EGFR: variants seen among roughly 807,000 people sequenced by gnomAD.
EGFR encodes avian erythroblastic leukemia viral (v-erb-b) oncogene homolog.
A neutral mutation model predicts 143.0 loss-of-function variants in EGFR; 58 were observed. The observed-to-expected ratio is 0.41, with a 90% CI of 0.33 to 0.50. The LOEUF is 0.50. EGFR is among the 20% of genes least tolerant of loss of function. The pLI is 0.39. For synonymous variants in EGFR, 613 were observed against 594.4 expected, an observed-to-expected ratio of 1.03 and a Z score of -0.45; for missense variants, 1,307 against 1,579.0, an observed-to-expected ratio of 0.83 and a Z score of 2.92.
intron 3 of EGFR, among the ~76,000 whole-genome samples, chr7:55,143,962 T>C (rs1794616160): frequency 6.6e-6 from 1 of 152,130 alleles, no homozygotes; most frequent in South Asian, 2.1e-4. Context: ...TGAGGTGTTC[T>C]AGAACTTTGA....
intron 1 of EGFR, chr7:55,043,993 A>G (rs1388860853): frequency 2.6e-5 from 4 of 152,242 alleles, no homozygotes; most frequent in Admixed American, 6.5e-5. Flanking sequence ...AGCCACGTGA[A>G]GACGCCTTAG....
intron 20 of EGFR, among the ~76,000 whole-genome samples, chr7:55,183,743 G>C (rs1404033408): frequency 6.6e-6 from 1 of 152,210 alleles, no homozygotes. Context: ...AGAATATCTG[G>C]TTGGTTTATG....
rs376822837 is a variant in EGFR at position 55,198,761 on chromosome 7, G to A, written c.2746G>A (p.Asp916Asn). Residue 916 changes from aspartate (D) to asparagine (N), a missense_variant, in exon 23 of 28, where the codon GAC becomes AAC. Physicochemically the swap from Asp to Asn is conservative, Grantham distance 23. Coordinates refer to ENST00000275493, the MANE Select transcript of EGFR (RefSeq NM_005228.5). Reference protein sequence around the residue: ...ELMTFGSKPYDGIPASEISSI... With the variant: ...ELMTFGSKPYNGIPASEISSI... ...GATGACCTTTGGATCCAAGCCATAT[G>A]ACGGAATCCCTGCCAGCGAGATCTC... 3.3e-5 allele frequency: 54 copies of A among 1,614,070 alleles called. No homozygotes were observed. The highest frequency in any genetic ancestry group is 6.7e-5 in the African/African-American group (5 of 74,912).
Position 55,206,888 on chromosome 7 carries a change from G to C in EGFR, c.*1271G>C, listed in dbSNP as rs1788120720. The C allele has an allele frequency of 1.3e-5, 3 of 233,126 alleles. No individual in the cohort carries two copies. The highest frequency in any genetic ancestry group is 2.5e-5 in the Non-Finnish European group (3 of 118,058). 14.4% of individuals were successfully genotyped at this position (233,126 alleles called of 1,614,324 possible). On this transcript the variant is annotated 3_prime_UTR_variant, in exon 28 of 28. Coordinates refer to ENST00000275493, the MANE Select transcript of EGFR (RefSeq NM_005228.5). ...CAGGTGCGAATGACAGTAGCATTAT[G>C]AGTAGTGTGGAATTCAGGTAGTAAA... is the stretch of plus-strand genomic sequence containing the variant.
intron 1 of EGFR, among the ~76,000 whole-genome samples, chr7:55,119,784 G>A (rs1345377247): frequency 6.6e-6 from 1 of 152,128 alleles, no homozygotes; most frequent in Non-Finnish European, 1.5e-5. Flanking sequence ...TGTCTTGAAA[G>A]GTCCTTCTAT....
intron 1 of EGFR, among the ~76,000 whole-genome samples, chr7:55,057,461 G>A (rs1788897938): frequency 6.6e-6 from 1 of 152,154 alleles, no homozygotes; most frequent in South Asian, 2.1e-4. Flanking sequence ...TCTTGATAAT[G>A]TTAAATAAAA....
At chr7:55,176,867 T>TATATCTCTAA (rs1786616074) in intron 19 of EGFR, among the ~76,000 whole-genome samples, 2 of 146,586 alleles carry the variant, frequency 1.4e-5, no homozygotes, top group Non-Finnish European at 3.0e-5. Context: ...TTTAGAGATT[T>TATATCTCTAA]ATATATATTT....
chr7:55,061,476 CT>C (rs1789162858), intron 1 of EGFR, among the ~76,000 whole-genome samples: 1 of 152,192 alleles, frequency 6.6e-6, no homozygotes. Flanking sequence ...AGAGAATATG[CT>C]TTCATTCAGC....
intron 27 of EGFR, among the ~76,000 whole-genome samples, chr7:55,204,238 A>T (rs1788000649): frequency 1.3e-5 from 2 of 150,350 alleles, no homozygotes; most frequent in African/African-American, 4.9e-5. Context: ...ACGTACACAC[A>T]CACCACACAC....
chr7:55,108,377 T>C (rs944579436), intron 1 of EGFR, among the ~76,000 whole-genome samples: 7 of 152,252 alleles, frequency 4.6e-5, no homozygotes, highest in Admixed American at 1.3e-4. Context: ...CGAGAGTGAC[T>C]GTCTCTTCCT....
chr7:55,103,706 A>T (rs1389044408), intron 1 of EGFR, among the ~76,000 whole-genome samples: 1 of 152,218 alleles, frequency 6.6e-6, no homozygotes, highest in Admixed American at 6.5e-5. Context: ...ATTCTTTCAA[A>T]CATAAGAGTC....
chr7:55,118,295 T>C (rs1247866891), intron 1 of EGFR, among the ~76,000 whole-genome samples: 1 of 152,180 alleles, frequency 6.6e-6, no homozygotes, highest in Non-Finnish European at 1.5e-5. Context: ...ATGCAGATGG[T>C]CAGGCCCTCC....
At chr7:55,034,046 A>G (rs1323785244) in intron 1 of EGFR, among the ~76,000 whole-genome samples, 1 of 152,006 alleles carries the variant, frequency 6.6e-6, no homozygotes, top group East Asian at 1.9e-4. Context: ...AATGATGGCC[A>G]TGCACACTTT....
intron 1 of EGFR, among the ~76,000 whole-genome samples, chr7:55,140,391 C>T (rs1201070895): frequency 1.3e-5 from 2 of 152,156 alleles, no homozygotes; most frequent in Admixed American, 1.3e-4. Flanking sequence ...CTAACACTTG[C>T]GGCTACCTGG....
In EGFR at chr7:55,142,525, T is replaced by A; in HGVS notation, c.240+88T>A. 4 of 1,535,646 alleles carry A rather than the reference T, an allele frequency of 2.6e-6. No individual in the cohort carries two copies. The South Asian group carries it at 4.5e-5, about 17-fold the overall frequency. ...GGGCAGAATTCCACTTGAAGTGTGT[T>A]TATTTTTGCTATGGCAATGACAAGT... On this transcript the variant is annotated intron_variant, in intron 2 of 27. Coordinates refer to ENST00000275493, the MANE Select transcript of EGFR (RefSeq NM_005228.5).
Position 55,209,465 on chromosome 7 carries a change from G to A in EGFR, c.*3848G>A, listed in dbSNP as rs1788188124. On this transcript the variant is annotated 3_prime_UTR_variant, in exon 28 of 28. Coordinates refer to ENST00000275493, the MANE Select transcript of EGFR (RefSeq NM_005228.5). Reference sequence around the variant, plus strand: ...GGGACCCTCTGCATTCTCTAAGTAAGTTATAGAAACCAGTCTCTTCCCTCC... The same window carrying A: ...GGGACCCTCTGCATTCTCTAAGTAAATTATAGAAACCAGTCTCTTCCCTCC... 2 of 152,228 alleles carry A rather than the reference G, an allele frequency of 1.3e-5. No homozygotes were observed. The highest frequency in any genetic ancestry group is 6.5e-5 in the Admixed American group (1 of 15,280). The allele number at this position is 152,228 out of a possible 1,614,324, so 9.4% of individuals were successfully genotyped here. A position where few individuals can be genotyped will look rare whatever the true frequency, so the allele number is the denominator to read the frequency against.
chr7:55,176,640 G>C (rs535057808), intron 19 of EGFR, among the ~76,000 whole-genome samples: 114 of 152,022 alleles, frequency 7.5e-4, no homozygotes, highest in Middle Eastern at 6.8e-3. Context: ...TTGAGTCCAG[G>C]AGATCTAGGC....
At chr7:55,181,242 CCTT>C in intron 19 of EGFR, 48 bp from the exon 20 acceptor site, 1 of 1,606,144 alleles carries the variant, frequency 6.2e-7, no homozygotes, top group South Asian at 1.1e-5. Flanking sequence ...ATGTGCCCCT[CCTT>C]CTGGCCACCA....
chr7:55,117,421 A>T (rs1208255830), intron 1 of EGFR, among the ~76,000 whole-genome samples: 1 of 152,174 alleles, frequency 6.6e-6, no homozygotes, highest in African/African-American at 2.4e-5. Flanking sequence ...TCCCACATTC[A>T]ATTAGCATGT....
Sources: gnomAD v4.1 joint callset for allele counts (sites outside exome capture counted in the v4.1 genomes callset) on GRCh38, gnomAD v4.1.1 for gene constraint, MANE v1.5 for transcripts, NCBI Gene and HGNC (gene_info 2026-07-23, HGNC 2026-07-21) for gene names.